Variants in MEGF11 observed in about 807,000 individuals in gnomAD.
The protein encoded by MEGF11 is multiple EGF like domains 11.
Under a neutral mutation model 146.6 loss-of-function variants are expected in MEGF11, and 126 were observed. The ratio of observed to expected loss-of-function variants is 0.86; its 90% confidence interval spans 0.74 to 1.00. The LOEUF is 1.00. Ranked by LOEUF, MEGF11 falls within the 50% of genes least tolerant of loss-of-function variation. MEGF11 has a pLI of 0.00. For missense variants in MEGF11, 1,509 were observed against 1,521.2 expected, an observed-to-expected ratio of 0.99 and a Z score of 0.13; for synonymous variants, 532 against 583.4, an observed-to-expected ratio of 0.91 and a Z score of 1.27.
At chr15:66,042,820 G>A (rs1384922270) in intron 5 of MEGF11, among the ~76,000 whole-genome samples, 3 of 152,150 alleles carry the variant, frequency 2.0e-5, no homozygotes, top group African/African-American at 7.2e-5. Context: ...GGACTGCAGG[G>A]CATACTGGAT....
Position 66,223,451 on chromosome 15 carries a change from A to T in MEGF11, c.-9+30154T>A, listed in dbSNP as rs1254961500. Among the ~76,000 whole-genome samples the T allele has an allele frequency of 3.9e-5, 6 of 152,034 alleles. No individual in the cohort carries two copies. The East Asian group carries it at 1.2e-3, about 29-fold the overall frequency. On this transcript the variant is annotated intron_variant, in intron 1 of 25. Transcript: ENST00000395614. ...GTTGCATAACTCTGTGCATACACCA[A>T]AAACCATTGAATTGTACACTTTAAA...
intron 4 of MEGF11, among the ~76,000 whole-genome samples, chr15:66,116,133 A>G (rs915711582): frequency 2.0e-5 from 3 of 150,022 alleles, no homozygotes; most frequent in African/African-American, 7.4e-5. Context: ...TCTCCCACCC[A>G]CCCCTGACGG....
chr15:66,205,733 G>A (rs1000938110), intron 1 of MEGF11, among the ~76,000 whole-genome samples: 11 of 152,226 alleles, frequency 7.2e-5, no homozygotes, highest in Non-Finnish European at 1.6e-4. Context: ...GGTGTCAACA[G>A]AGGACAAGCG....
chr15:65,965,616 T>TC (rs1567180156), intron 8 of MEGF11, among the ~76,000 whole-genome samples: 3,504 of 114,908 alleles, frequency 0.03, 378 homozygotes, highest in Middle Eastern at 0.084. Flanking sequence ...TTTTTTTCTT[T>TC]TTTTTTTTTT....
chr15:66,203,079 G>A (rs1486374346), intron 1 of MEGF11, among the ~76,000 whole-genome samples: 2 of 152,054 alleles, frequency 1.3e-5, no homozygotes, highest in Non-Finnish European at 2.9e-5. Flanking sequence ...TCCAGATCCT[G>A]GACTCACAAA....
intron 2 of MEGF11, 114 bp from the exon 3 acceptor site, chr15:66,124,114 G>A (rs1436570364): frequency 2.4e-5 from 20 of 820,104 alleles, no homozygotes; most frequent in Non-Finnish European, 3.0e-5. Flanking sequence ...CCAAGTGTCC[G>A]GAGGCTCTGA....
chr15:65,973,127 A>G (rs983948092), intron 7 of MEGF11, among the ~76,000 whole-genome samples: 4 of 151,996 alleles, frequency 2.6e-5, no homozygotes, highest in Admixed American at 2.6e-4. Flanking sequence ...CAAAAAAAAA[A>G]AAAAAAGAAT....
intron 1 of MEGF11, among the ~76,000 whole-genome samples, chr15:66,188,391 G>C (rs189002649): frequency 2.6e-5 from 4 of 151,542 alleles, no homozygotes; most frequent in African/African-American, 9.7e-5. Context: ...AAGAAAGAAA[G>C]GAAGAAAAAA....
At chr15:66,033,183 C>T (rs1230039646) in intron 5 of MEGF11, among the ~76,000 whole-genome samples, 3 of 151,774 alleles carry the variant, frequency 2.0e-5, no homozygotes, top group African/African-American at 7.3e-5. Flanking sequence ...GAAATGGCAC[C>T]TAGGTGTGGC....
intron 10 of MEGF11, among the ~76,000 whole-genome samples, chr15:65,949,695 A>G (rs934614984): frequency 5.3e-5 from 8 of 152,344 alleles, no homozygotes; most frequent in Admixed American, 2.0e-4. Flanking sequence ...CGCAGGACCC[A>G]TGCGGGAGGA....
intron 5 of MEGF11, among the ~76,000 whole-genome samples, chr15:66,045,494 C>T (rs1199807307): frequency 6.6e-6 from 1 of 152,208 alleles, no homozygotes; most frequent in African/African-American, 2.4e-5. Context: ...GACCCCTTGG[C>T]TCAGCATCTC....
intron 1 of MEGF11, among the ~76,000 whole-genome samples, chr15:66,230,023 G>A (rs758691206): frequency 5.9e-5 from 9 of 152,184 alleles, no homozygotes; most frequent in Non-Finnish European, 7.4e-5. Flanking sequence ...TACAAGAGAG[G>A]GAGATTCATG....
chr15:66,160,664 GACACACACACACAC>G (rs3221608), intron 1 of MEGF11, among the ~76,000 whole-genome samples: 9 of 137,538 alleles, frequency 6.5e-5, no homozygotes, highest in African/African-American at 1.4e-4. Flanking sequence ...GCCCTAAGGG[GACACACACACACAC>G]ACACACACAC....
At chr15:66,180,547 C>T (rs2090518154) in intron 1 of MEGF11, among the ~76,000 whole-genome samples, 2 of 152,162 alleles carry the variant, frequency 1.3e-5, no homozygotes, top group Admixed American at 1.3e-4. Context: ...TTGTAGTTTC[C>T]TTTTTTATTC....
At chr15:65,900,303 G>A (rs1188205787) in intron 24 of MEGF11, among the ~76,000 whole-genome samples, 1 of 152,220 alleles carries the variant, frequency 6.6e-6, no homozygotes, top group Admixed American at 6.5e-5. Context: ...CAATTTGTGA[G>A]AGTAATGAAA....
At chr15:65,962,180 A>G (rs964308718) in intron 9 of MEGF11, among the ~76,000 whole-genome samples, 1 of 152,194 alleles carries the variant, frequency 6.6e-6, no homozygotes, top group African/African-American at 2.4e-5. Flanking sequence ...AGAAGACTCT[A>G]TAATGGGCCA....
intron 8 of MEGF11, among the ~76,000 whole-genome samples, chr15:65,969,688 C>T (rs1297709002): frequency 6.6e-6 from 1 of 152,126 alleles, no homozygotes; most frequent in Non-Finnish European, 1.5e-5. Context: ...TCTGATGTCA[C>T]CCAGGCATGG....
chr15:65,976,147 A>G (rs1251589494), intron 7 of MEGF11, among the ~76,000 whole-genome samples: 3 of 150,016 alleles, frequency 2.0e-5, no homozygotes, highest in Non-Finnish European at 2.9e-5. Context: ...GGTTCAAGCA[A>G]TTCTCCTGCC....
In MEGF11 at chr15:65,922,443, A is replaced by C; in HGVS notation, c.1852T>G (p.Cys618Gly). ...ICPPGFYGHG[C>G]AQPCPLCVHS... ...ACGCAGAGGGGGCATGGCTGGGCGC[A>C]GCCGTGGCCATAGAACCCAGGGGGG... Residue 618 changes from cysteine to glycine, a missense_variant, in exon 15 of 26, where the codon TGC (cysteine) becomes GGC (glycine). Cys to Gly is a radical substitution (Grantham distance 159, BLOSUM62 -3). Transcript: ENST00000395614. The C allele has an allele frequency of 1.3e-6, 2 of 1,581,798 alleles. No individual in the cohort carries two copies. The highest frequency in any genetic ancestry group is 1.7e-6 in the Non-Finnish European group (2 of 1,164,768).
Sources: allele counts gnomAD v4.1 joint callset (sites outside exome capture counted in the v4.1 genomes callset), GRCh38; gene constraint gnomAD v4.1.1; transcripts MANE v1.5; gene names NCBI Gene and HGNC (gene_info 2026-07-23, HGNC 2026-07-21).